The following DNAH8 variants were observed in gnomAD, a reference collection of about 807,000 sequenced individuals.
The protein encoded by DNAH8 is axonemal beta dynein heavy chain 8.
A neutral mutation model predicts 562.1 loss-of-function variants in DNAH8; 382 were observed. That is an observed-to-expected ratio of 0.68 (90% CI 0.63 to 0.74). DNAH8 has a LOEUF of 0.74. Ranked by LOEUF, DNAH8 falls within the 30% of genes least tolerant of loss-of-function variation. The probability of loss-of-function intolerance (pLI) is 0.00; values close to 1 mark genes in which losing one functional copy is unlikely to be tolerated. For missense variants in DNAH8, 5,203 were observed against 5,620.4 expected, an observed-to-expected ratio of 0.93 and a Z score of 2.37; for synonymous variants, 1,881 against 1,919.4, an observed-to-expected ratio of 0.98 and a Z score of 0.52.
chr6:38,821,094 G>A (rs1451463980), intron 26 of DNAH8, among the ~76,000 whole-genome samples: 1 of 151,850 alleles, frequency 6.6e-6, no homozygotes, highest in Non-Finnish European at 1.5e-5. Context: ...ATAACCTAAG[G>A]AATCAACCCT....
intron 82 of DNAH8, among the ~76,000 whole-genome samples, chr6:38,966,786 C>A (rs538254199): frequency 6.6e-6 from 1 of 152,274 alleles, no homozygotes; most frequent in South Asian, 2.1e-4. Context: ...CAACAAACTA[C>A]CATAGACTGG....
Position 38,857,524 on chromosome 6 carries a change from C to T in DNAH8, c.5740C>T (p.Leu1914Phe), listed in dbSNP as rs1467448925. Residue 1914 changes from leucine to phenylalanine, a missense_variant, in exon 42 of 93, where the codon CTT becomes TTT. Around this residue, in one of 6 missense-constraint regions of DNAH8, gnomAD observed 2,176 missense variants for 2,365.1 expected, o/e 0.92. Coordinates refer to ENST00000327475, the MANE Select transcript of DNAH8 (RefSeq NM_001206927.2). ...TTTTCTGCTGGATCTGTAGGTTGGA[C>T]TTCTGGGAATTCAGATGTTGTGGAC... ...FLSHFPAQVGLLGIQMLWTHD... is the reference protein window; with the variant it reads ...FLSHFPAQVGFLGIQMLWTHD... 2 of 1,607,492 alleles carry T rather than the reference C, an allele frequency of 1.2e-6. No homozygotes were observed. Among genetic ancestry groups the T allele is most frequent in the Non-Finnish European group, 1.7e-6 (2 of 1,175,954 alleles).
rs935078129 is a variant in DNAH8 at position 38,823,442 on chromosome 6, C to G, written c.3721-120C>G. The G allele has an allele frequency of 5.6e-6, 4 of 712,940 alleles. No homozygotes were observed. In the African/African-American group the frequency reaches 7.1e-5, roughly 13 times the overall value. The allele number at this position is 712,940 out of a possible 1,614,324, so 44.2% of individuals were successfully genotyped here. A position where few individuals can be genotyped will look rare whatever the true frequency, so the allele number is the denominator to read the frequency against. On this transcript the variant is annotated intron_variant, in intron 27 of 92. Transcript: ENST00000327475. The stretch of plus-strand genomic sequence containing the variant: ...GGTGGACACCCTATTTCTTACCCAG[C>G]CACTGGCCCCATTGCACACACAAGT...
At chr6:38,784,070 C>T (rs538322400) in intron 17 of DNAH8, among the ~76,000 whole-genome samples, 4 of 152,140 alleles carry the variant, frequency 2.6e-5, no homozygotes, top group Non-Finnish European at 5.9e-5. Flanking sequence ...TCACAGCATA[C>T]CTGCATCCTA....
At chr6:38,754,056 G>A (rs528157819) in intron 9 of DNAH8, among the ~76,000 whole-genome samples, 4 of 152,182 alleles carry the variant, frequency 2.6e-5, no homozygotes, top group South Asian at 4.1e-4. Context: ...GGGGATTCAT[G>A]CTTCCATTTC....
At chr6:39,021,697 C>T (rs1000843305) in intron 91 of DNAH8, among the ~76,000 whole-genome samples, 32 of 152,218 alleles carry the variant, frequency 2.1e-4, no homozygotes, top group African/African-American at 7.2e-4. Context: ...CATTTCTCCT[C>T]ATCTTCAAAG....
At chr6:38,997,006 G>T (rs556419095) in intron 88 of DNAH8, among the ~76,000 whole-genome samples, 1 of 152,140 alleles carries the variant, frequency 6.6e-6, no homozygotes, top group African/African-American at 2.4e-5. Context: ...CAACTGGCAG[G>T]CCTGTAAGAC....
intron 52 of DNAH8, among the ~76,000 whole-genome samples, chr6:38,875,226 T>C (rs928964558): frequency 6.6e-6 from 1 of 152,234 alleles, no homozygotes; most frequent in Non-Finnish European, 1.5e-5. Flanking sequence ...GAATCTTTGA[T>C]CTGGAAAATT....
intron 35 of DNAH8, among the ~76,000 whole-genome samples, chr6:38,843,521 G>A (rs529747446): frequency 6.6e-6 from 1 of 151,714 alleles, no homozygotes. Flanking sequence ...TTTTTCATTA[G>A]GGAAAATTTT....
chr6:38,881,549 GT>G (rs3047883), intron 53 of DNAH8, among the ~76,000 whole-genome samples: 1,536 of 133,994 alleles, frequency 0.011, 22 homozygotes, highest in African/African-American at 0.038. Flanking sequence ...TGAAATCAAT[GT>G]TTTTTTTTTT....
In DNAH8 at chr6:38,935,594, G is replaced by A; in HGVS notation, c.11460G>A (p.Glu3820=). The A allele has an allele frequency of 6.2e-7, 1 of 1,609,224 alleles. No individual in the cohort carries two copies. The highest frequency in any genetic ancestry group is 8.5e-7 in the Non-Finnish European group (1 of 1,177,838). ...LRRVILTEKQ[E]LEAERVKLLE... ...TATTTTTTGTTTTTTAATGACAGGA[G>A]TTAGAGGCTGAGAGGGTTAAACTTT... The change falls in exon 77 of 93, where the codon GAG becomes GAA. Residue 3820 remains glutamate, a splice_region_variant and synonymous_variant. Coordinates refer to ENST00000327475, the MANE Select transcript of DNAH8 (RefSeq NM_001206927.2).
intron 9 of DNAH8, among the ~76,000 whole-genome samples, chr6:38,752,315 C>T (rs1029528191): frequency 6.6e-6 from 1 of 151,314 alleles, no homozygotes; most frequent in Non-Finnish European, 1.5e-5. Context: ...AGGTGCATGC[C>T]ACCATGCCCG....
At chr6:38,924,860 C>T (rs1039203489) in intron 73 of DNAH8, 1 of 152,144 alleles carries the variant, frequency 6.6e-6, no homozygotes, top group African/African-American at 2.4e-5. Context: ...AAAAACGTAA[C>T]AGAATAGCAT....
intron 11 of DNAH8, among the ~76,000 whole-genome samples, chr6:38,762,430 C>T (rs762936749): frequency 7.2e-5 from 11 of 152,168 alleles, no homozygotes; most frequent in East Asian, 3.9e-4. Context: ...TCAACTTGGT[C>T]GTGGTGTAAT....
At chr6:39,012,874 T>A (rs1220047949) in intron 91 of DNAH8, among the ~76,000 whole-genome samples, 1 of 150,064 alleles carries the variant, frequency 6.7e-6, no homozygotes, top group Non-Finnish European at 1.5e-5. Context: ...TCCTTTTTCT[T>A]TTCACCAACT....
At chr6:38,907,231 G>A (rs1279169889) in intron 63 of DNAH8, among the ~76,000 whole-genome samples, 1 of 152,162 alleles carries the variant, frequency 6.6e-6, no homozygotes, top group African/African-American at 2.4e-5. Flanking sequence ...TTTTGCCAAG[G>A]GGCCATGCAG....
intron 76 of DNAH8, among the ~76,000 whole-genome samples, 181 bp downstream of exon 76, chr6:38,932,174 C>T (rs1289548294): frequency 2.0e-5 from 1 of 49,760 alleles, no homozygotes; most frequent in African/African-American, 6.7e-5. Context: ...ATCTTCTCAT[C>T]CAGCCTGAAA....
chr6:39,023,538 C>T (rs1023855324), intron 91 of DNAH8, among the ~76,000 whole-genome samples: 2 of 152,004 alleles, frequency 1.3e-5, no homozygotes, highest in African/African-American at 2.4e-5. Context: ...TAAATTGTGC[C>T]AAAACAAAAG....
At chr6:38,900,020 A>G in intron 62 of DNAH8, 114 bp downstream of exon 62, 11 of 914,146 alleles carry the variant, frequency 1.2e-5, no homozygotes, top group Non-Finnish European at 1.7e-5. Context: ...GGTAAACTTT[A>G]AGTATTATAT....
Sources: gnomAD v4.1 joint callset for allele counts (sites outside exome capture counted in the v4.1 genomes callset) on GRCh38, gnomAD v4.1.1 for gene constraint, gnomAD v4.1.1 regional missense constraint, MANE v1.5 for transcripts, NCBI Gene and HGNC (gene_info 2026-07-23, HGNC 2026-07-21) for gene names.